Variants in GRM5 observed in about 807,000 individuals in gnomAD.
GRM5 encodes glutamate metabotropic receptor 5, also known as metabotropic glutamate receptor 5.
In GRM5, 19 loss-of-function variants were observed where a neutral mutation model predicts 83.1. The ratio of observed to expected loss-of-function variants is 0.23; its 90% confidence interval spans 0.16 to 0.34. The LOEUF (loss-of-function observed/expected upper bound fraction) is 0.34, where lower values mean the gene tolerates loss of function less well. Ranked by LOEUF, GRM5 falls within the 10% of genes least tolerant of loss-of-function variation. GRM5 has a pLI of 1.00. For synonymous variants in GRM5, 675 were observed against 633.6 expected, an observed-to-expected ratio of 1.07 and a Z score of -0.98; for missense variants, 1,160 against 1,588.3, an observed-to-expected ratio of 0.73 and a Z score of 4.58.
At chr11:88,916,577 G>A (rs1197558916) in intron 2 of GRM5, among the ~76,000 whole-genome samples, 1 of 152,062 alleles carries the variant, frequency 6.6e-6, no homozygotes, top group Non-Finnish European at 1.5e-5. Flanking sequence ...AAACTAGAAA[G>A]GCTGCCTAGA....
At chr11:88,775,356 T>C (rs192345150) in intron 3 of GRM5, among the ~76,000 whole-genome samples, 123 of 152,322 alleles carry the variant, frequency 8.1e-4, no homozygotes, top group African/African-American at 2.8e-3. Context: ...TTCCTAGCAG[T>C]CTATCAATTT....
chr11:88,711,416 G>A (rs566042644), intron 3 of GRM5, among the ~76,000 whole-genome samples: 1 of 152,102 alleles, frequency 6.6e-6, no homozygotes, highest in Non-Finnish European at 1.5e-5. Context: ...AGTGGGTCTG[G>A]AGGAACAAAT....
chr11:88,948,527 A>T (rs1323264174), intron 2 of GRM5, among the ~76,000 whole-genome samples: 1 of 152,224 alleles, frequency 6.6e-6, no homozygotes, highest in Admixed American at 6.5e-5. Flanking sequence ...AGAAGAAAGC[A>T]TTATGTTTCC....
chr11:88,647,184 A>C (rs920872996), intron 4 of GRM5, among the ~76,000 whole-genome samples: 3 of 152,056 alleles, frequency 2.0e-5, no homozygotes, highest in Admixed American at 2.0e-4. Context: ...ATCATACCGA[A>C]TTAGGGGCCT....
chr11:89,023,152 T>C (rs7105541), intron 2 of GRM5, among the ~76,000 whole-genome samples: 18 of 144,032 alleles, frequency 1.2e-4, no homozygotes, highest in African/African-American at 4.8e-4. Flanking sequence ...TGTGTGTGTG[T>C]GTGTGTGTGT....
intron 3 of GRM5, among the ~76,000 whole-genome samples, chr11:88,717,763 GA>G (rs1941430860): frequency 6.6e-6 from 1 of 151,720 alleles, no homozygotes; most frequent in East Asian, 1.9e-4. Flanking sequence ...ATACTTCAAG[GA>G]AATACATTGA....
chr11:88,582,687 G>A (rs1031785427), intron 7 of GRM5, among the ~76,000 whole-genome samples: 16 of 152,216 alleles, frequency 1.1e-4, no homozygotes, highest in Non-Finnish European at 1.5e-4. Flanking sequence ...ATATTTAATA[G>A]ATGCCAAGAA....
At chr11:88,709,198 G>T (rs1941229698) in intron 3 of GRM5, among the ~76,000 whole-genome samples, 1 of 151,966 alleles carries the variant, frequency 6.6e-6, no homozygotes, top group African/African-American at 2.4e-5. Flanking sequence ...TGGACCAAGG[G>T]AGGAGGAAAT....
chr11:88,572,249 C>A (rs1214381934), intron 7 of GRM5, among the ~76,000 whole-genome samples: 1 of 152,050 alleles, frequency 6.6e-6, no homozygotes, highest in Non-Finnish European at 1.5e-5. Context: ...TGAGGAAATT[C>A]TTAGATGTGG....
intron 3 of GRM5, among the ~76,000 whole-genome samples, chr11:88,823,837 CCT>C (rs1165215081): frequency 6.6e-6 from 1 of 152,104 alleles, no homozygotes; most frequent in East Asian, 1.9e-4. Context: ...ATCCAGAGAT[CCT>C]CTTTTTCACC....
intron 4 of GRM5, among the ~76,000 whole-genome samples, chr11:88,643,880 C>G (rs12362135): frequency 0.14 from 21,559 of 152,076 alleles, 2,289 homozygotes; most frequent in African/African-American, 0.3. Context: ...AGACAACATT[C>G]TGATGCATAA....
At chr11:88,810,985 T>C (rs1319917172) in intron 3 of GRM5, among the ~76,000 whole-genome samples, 10 of 152,100 alleles carry the variant, frequency 6.6e-5, no homozygotes, top group Non-Finnish European at 1.3e-4. Context: ...AACAAGACTA[T>C]CTCAGAGAAA....
intron 4 of GRM5, among the ~76,000 whole-genome samples, chr11:88,635,582 T>G (rs56108479): frequency 0.06 from 9,138 of 152,266 alleles, 257 homozygotes; most frequent in Middle Eastern, 0.071. Context: ...TGTTTTATGT[T>G]TTGAATTTTA....
At chr11:89,050,669 G>A (rs2135155841) in intron 1 of GRM5, among the ~76,000 whole-genome samples, 1 of 152,254 alleles carries the variant, frequency 6.6e-6, no homozygotes, top group South Asian at 2.1e-4. Flanking sequence ...CATGCTCATT[G>A]CAACATTACT....
At chr11:88,736,259 A>C (rs950519609) in intron 3 of GRM5, among the ~76,000 whole-genome samples, 41 of 152,130 alleles carry the variant, frequency 2.7e-4, no homozygotes, top group African/African-American at 8.9e-4. Flanking sequence ...CCTAATGTTT[A>C]CATGAAATTA....
chr11:88,597,448 CAT>C (rs1483475966), intron 5 of GRM5, 96 bp from the exon 6 acceptor site: 4 of 639,542 alleles, frequency 6.3e-6, no homozygotes, highest in Non-Finnish European at 7.8e-6. Context: ...TGTCTATTGT[CAT>C]ATAAGTAGCA....
intron 3 of GRM5, among the ~76,000 whole-genome samples, chr11:88,704,467 C>A (rs556477951): frequency 6.6e-6 from 1 of 152,088 alleles, no homozygotes; most frequent in South Asian, 2.1e-4. Flanking sequence ...ACTGATAATT[C>A]CTCTGCCAAA....
At chr11:88,893,161 GAA>G (rs1945176949) in intron 2 of GRM5, among the ~76,000 whole-genome samples, 2 of 149,216 alleles carry the variant, frequency 1.3e-5, no homozygotes, top group South Asian at 4.2e-4. Flanking sequence ...AAAAAGAAAA[GAA>G]AAAAGAAGTA....
chr11:88,524,210 CTTTCTTTTTTT>C (rs1565323827), intron 9 of GRM5, among the ~76,000 whole-genome samples: 1 of 95,446 alleles, frequency 1.0e-5, no homozygotes, highest in African/African-American at 4.0e-5. Context: ...TTCTTTCTTT[CTTTCTTTTTTT>C]TTTTTTTTTT....
Sources: gnomAD v4.1 joint callset for allele counts (sites outside exome capture counted in the v4.1 genomes callset) on GRCh38, gnomAD v4.1.1 for gene constraint, MANE v1.5 for transcripts, NCBI Gene and HGNC (gene_info 2026-07-23, HGNC 2026-07-21) for gene names.